The following RALGAPB variants were observed in gnomAD, a reference collection of about 807,000 sequenced individuals.
RALGAPB encodes Ral GTPase activating protein non-catalytic subunit beta.
Under a neutral mutation model 161.1 loss-of-function variants are expected in RALGAPB, and 25 were observed. The observed-to-expected ratio is 0.16, with a 90% CI of 0.11 to 0.22. The LOEUF (loss-of-function observed/expected upper bound fraction) is 0.22, where lower values mean the gene tolerates loss of function less well. RALGAPB is among the 10% of genes least tolerant of loss of function. RALGAPB has a pLI of 1.00. For synonymous variants in RALGAPB, 629 were observed against 626.1 expected (o/e 1.00, Z -0.07); for missense variants, 1,391 against 1,815.2 (o/e 0.77, Z 4.25).
At chr20:38,567,266 T>G in intron 26 of RALGAPB, 34 bp downstream of exon 26, 1 of 1,600,848 alleles carries the variant, frequency 6.2e-7, no homozygotes, top group South Asian at 1.1e-5. Flanking sequence ...TCCAAAATTT[T>G]GTAGTGAAAT....
At position 38,509,174 on chromosome 20, in the gene RALGAPB, G is replaced by T. The variant is rs1199962636; in HGVS notation, c.838G>T (p.Ala280Ser). 5.6e-6 allele frequency: 9 copies of T among 1,613,884 alleles called. No homozygotes were observed. Among genetic ancestry groups the T allele is most frequent in the Non-Finnish European group, 7.6e-6 (9 of 1,179,776 alleles). Residue 280 changes from alanine to serine, a missense_variant, in exon 6 of 30, where the codon GCA becomes TCA. Ala to Ser is a moderately conservative substitution (Grantham distance 99, BLOSUM62 1). Around this residue, in one of 3 missense-constraint regions of RALGAPB, gnomAD observed 946 missense variants for 1,257.2 expected, o/e 0.75. Transcript: ENST00000262879. ...TCCAGAAATGGATAATGAGTGTGTT[G>T]CACAGACATGGTTTCGCTTTTTACA... is the stretch of plus-strand genomic sequence containing the variant. ...IPPEMDNECVAQTWFRFLHML... is the reference protein window; with the variant it reads ...IPPEMDNECVSQTWFRFLHML...
intron 3 of RALGAPB, among the ~76,000 whole-genome samples, chr20:38,495,509 CAA>C (rs998805775): frequency 5.3e-5 from 8 of 152,044 alleles, no homozygotes; most frequent in African/African-American, 1.9e-4. Context: ...CAGCCATAGA[CAA>C]TATATAAATG....
intron 13 of RALGAPB, among the ~76,000 whole-genome samples, chr20:38,527,473 G>C (rs1387455358): frequency 1.3e-5 from 2 of 152,154 alleles, no homozygotes; most frequent in Non-Finnish European, 2.9e-5. Context: ...ATTAATTGTG[G>C]ACATGATTTT....
At chr20:38,574,736 A>G in intron 29 of RALGAPB, 38 bp from the exon 30 acceptor site, 9 of 1,563,696 alleles carry the variant, frequency 5.8e-6, no homozygotes, top group Non-Finnish European at 7.9e-6. Flanking sequence ...GTAAGTGACT[A>G]GTTTCTAACG....
chr20:38,499,875 T>G (rs1003619454), intron 5 of RALGAPB: 1 of 298,760 alleles, frequency 3.3e-6, no homozygotes, highest in East Asian at 5.6e-5. Context: ...CACAAAAAAA[T>G]TCCACTCTTA....
intron 12 of RALGAPB, 126 bp downstream of exon 12, chr20:38,525,644 T>C: frequency 1.1e-6 from 1 of 879,412 alleles, no homozygotes; most frequent in Non-Finnish European, 1.7e-6. Context: ...TTCATCAAGT[T>C]ATTTCAAGTG....
intron 16 of RALGAPB, 23 bp downstream of exon 16, chr20:38,535,230 T>A (rs763475341): frequency 6.2e-7 from 1 of 1,613,504 alleles, no homozygotes; most frequent in African/African-American, 1.3e-5. Context: ...GTCCTTTTAT[T>A]TTAACCCAAC....
At chr20:38,513,363 G>A (rs1468975552) in intron 6 of RALGAPB, among the ~76,000 whole-genome samples, 2 of 151,984 alleles carry the variant, frequency 1.3e-5, no homozygotes, top group Non-Finnish European at 2.9e-5. Context: ...AATTAGCTGG[G>A]TGTGGTGGCA....
chr20:38,524,895 T>A lies in RALGAPB; in HGVS notation c.1737T>A (p.Asp579Glu). ...TCTGCTGTGACTTGAAAGGGATTGATGTTGTGGTTCCTTACTTTATTTCAG... is the reference window on the plus strand; with the variant it reads ...TCTGCTGTGACTTGAAAGGGATTGAAGTTGTGGTTCCTTACTTTATTTCAG... ...PLFCCDLKGI[D>E]VVVPYFISAL... Residue 579 changes from aspartate (D) to glutamate (E), a missense_variant, in exon 11 of 30, where the codon GAT (aspartate) becomes GAA (glutamate). Coordinates refer to ENST00000262879, the MANE Select transcript of RALGAPB (RefSeq NM_020336.4). 2 of 1,611,572 alleles carry A rather than the reference T, an allele frequency of 1.2e-6. No individual in the cohort carries two copies. The highest frequency in any genetic ancestry group is 1.7e-6 in the Non-Finnish European group (2 of 1,177,610).
chr20:38,530,048 T>G (rs553544243), intron 13 of RALGAPB, among the ~76,000 whole-genome samples: 3 of 152,172 alleles, frequency 2.0e-5, no homozygotes, highest in Non-Finnish European at 4.4e-5. Flanking sequence ...CCAGCATCAC[T>G]AGTGGCACTT....
At chr20:38,517,476 A>C (rs745507839) in intron 7 of RALGAPB, 30 bp from the exon 8 acceptor site, 1 of 1,532,344 alleles carries the variant, frequency 6.5e-7, no homozygotes, top group East Asian at 2.3e-5. Context: ...TATGAAGAAT[A>C]ATTTCATTTG....
intron 4 of RALGAPB, 112 bp downstream of exon 4, chr20:38,497,628 C>T: frequency 8.6e-7 from 1 of 1,163,744 alleles, no homozygotes; most frequent in Middle Eastern, 2.1e-4. Flanking sequence ...TGATGGTTTA[C>T]AAACAAAGGT....
chr20:38,566,797 T>C (rs2088015969), intron 25 of RALGAPB, among the ~76,000 whole-genome samples: 1 of 152,254 alleles, frequency 6.6e-6, no homozygotes, highest in African/African-American at 2.4e-5. Flanking sequence ...GGTTATCCTT[T>C]AGAGCAGGAG....
At chr20:38,504,236 T>C (rs1240462611) in intron 5 of RALGAPB, among the ~76,000 whole-genome samples, 2 of 152,120 alleles carry the variant, frequency 1.3e-5, no homozygotes, top group African/African-American at 4.8e-5. Context: ...AAAACAGATA[T>C]ATAAACTAAT....
At chr20:38,564,036 A>G (rs1293707278) in intron 24 of RALGAPB, among the ~76,000 whole-genome samples, 1 of 152,182 alleles carries the variant, frequency 6.6e-6, no homozygotes, top group African/African-American at 2.4e-5. Context: ...GGCAAGAAAG[A>G]TAGAATGACT....
At chr20:38,485,104 T>A (rs2085077239) in intron 1 of RALGAPB, among the ~76,000 whole-genome samples, 1 of 152,238 alleles carries the variant, frequency 6.6e-6, no homozygotes, top group East Asian at 1.9e-4. Flanking sequence ...AAATTCAGTC[T>A]ATTAAAATAG....
At position 38,536,903 on chromosome 20, in the gene RALGAPB, T is replaced by G. The variant is rs17832213; in HGVS notation, c.2379+1696T>G. Among the ~76,000 whole-genome samples the G allele has an allele frequency of 1.7e-3, 253 of 152,324 alleles. 1 individual carries two copies. The highest frequency in any genetic ancestry group is 0.012 in the Admixed American group (177 of 15,300). ...TCCTCCAGGATGGACATCATAACTT[T>G]GCGAGAAGCAGTTACTGGTACAGAA... On this transcript the variant is annotated intron_variant, in intron 16 of 29. Transcript: ENST00000262879.
chr20:38,574,104 G>A, intron 28 of RALGAPB, 46 bp from the exon 29 acceptor site: 1 of 1,547,960 alleles, frequency 6.5e-7, no homozygotes, highest in Non-Finnish European at 8.7e-7. Flanking sequence ...GTGTCTCGGG[G>A]ACTTCAACTC....
rs544195301 is a variant in RALGAPB at position 38,576,919 on chromosome 20, T to G, written c.*1952T>G. The stretch of plus-strand genomic sequence containing the variant: ...ATCAAACTTTTACTTTTGGCATAGT[T>G]AATTTCAGAAAAATGTGCTGTATGT... On this transcript the variant is annotated 3_prime_UTR_variant, in exon 30 of 30. Transcript: ENST00000262879. 2.4e-4 allele frequency: 36 copies of G among 152,742 alleles called. No individual in the cohort carries two copies. Among genetic ancestry groups the G allele is most frequent in the African/African-American group, 7.7e-4 (32 of 41,578 alleles). The allele number at this position is 152,742 out of a possible 1,614,324, so 9.5% of individuals were successfully genotyped here.
Sources: allele counts gnomAD v4.1 joint callset (sites outside exome capture counted in the v4.1 genomes callset), GRCh38; gene constraint gnomAD v4.1.1; regional missense constraint gnomAD v4.1.1; transcripts MANE v1.5; gene names NCBI Gene and HGNC (gene_info 2026-07-23, HGNC 2026-07-21).